SH3TC1: variants seen among roughly 807,000 people sequenced by gnomAD.
The protein encoded by SH3TC1 is SH3 domain and tetratricopeptide repeat-containing protein 1.
A neutral mutation model predicts 117.3 loss-of-function variants in SH3TC1; 135 were observed. The ratio of observed to expected loss-of-function variants is 1.15; its 90% confidence interval spans 1.00 to 1.33. SH3TC1 has a LOEUF of 1.33. Ranked by LOEUF, SH3TC1 falls within the 40% of genes most tolerant of loss-of-function variation. SH3TC1 has a pLI of 0.00. For missense variants in SH3TC1, 2,092 were observed against 1,794.3 expected (o/e 1.17, Z -3.00); for synonymous variants, 898 against 816.9 (o/e 1.10, Z -1.69).
chr4:8,228,470 C>G lies in SH3TC1; in HGVS notation c.2776C>G (p.Leu926Val), dbSNP rs1180247716. Residue 926 changes from leucine to valine, a missense_variant, in exon 12 of 18, where the codon CTC (leucine) becomes GTC (valine). By Grantham distance (32) the Leu-to-Val change is conservative. Transcript: ENST00000245105. ...TGCCAGCAGGCTGGCCCAGCACTACCTCCTGGAGGCCGTGCGGCTGTTCTC... is the reference window on the plus strand; with the variant it reads ...TGCCAGCAGGCTGGCCCAGCACTACGTCCTGGAGGCCGTGCGGCTGTTCTC... Reference protein sequence around the residue: ...AGASRLAQHYLLEAVRLFSRL... With the variant: ...AGASRLAQHYVLEAVRLFSRL... 2 of 1,608,902 alleles carry G rather than the reference C, an allele frequency of 1.2e-6. No individual in the cohort carries two copies. Among genetic ancestry groups the G allele is most frequent in the Non-Finnish European group, 1.7e-6 (2 of 1,178,168 alleles).
rs774460630 is a variant in SH3TC1 at position 8,205,609 on chromosome 4, T to C, written c.172+243T>C. 4 of 771,848 alleles carry C rather than the reference T, an allele frequency of 5.2e-6. No homozygotes were observed. The highest frequency in any genetic ancestry group is 9.4e-6 in the Non-Finnish European group (4 of 423,858). The allele number at this position is 771,848 out of a possible 1,614,324, so 47.8% of individuals were successfully genotyped here. On this transcript the variant is annotated intron_variant, in intron 2 of 17. Coordinates refer to ENST00000245105, the MANE Select transcript of SH3TC1 (RefSeq NM_018986.5). The surrounding 1 kb of genome is among the most constrained non-coding windows in gnomAD (Gnocchi z 5.4). ...TGTTTTTCCAGGGACGCGTCAGTGA[T>C]AACAAAACTGGCAAAGAACGAGGCA...
rs2152979196 is a variant in SH3TC1, at chr4:8,205,567, G to A, written c.172+201G>A. The A allele has an allele frequency of 3.6e-6, 3 of 824,140 alleles. 1 individual carries two copies. In the South Asian group the frequency reaches 4.0e-5, roughly 11 times the overall value. The allele number at this position is 824,140 out of a possible 1,614,324, so 51.1% of individuals were successfully genotyped here. A position where few individuals can be genotyped will look rare whatever the true frequency, so the allele number is the denominator to read the frequency against. On this transcript the variant is annotated intron_variant, in intron 2 of 17. Coordinates refer to ENST00000245105, the MANE Select transcript of SH3TC1 (RefSeq NM_018986.5). The surrounding 1 kb of genome is among the most constrained non-coding windows in gnomAD (Gnocchi z 5.4). ...ACTGTGCCCGCTGAGTCACTTGAGAGGCCAGGGCCCAGCTCGTGTTTTTCC... is the reference window on the plus strand; with the variant it reads ...ACTGTGCCCGCTGAGTCACTTGAGAAGCCAGGGCCCAGCTCGTGTTTTTCC...
At position 8,232,075 on chromosome 4, in the gene SH3TC1, C is replaced by A; in HGVS notation, c.3050C>A (p.Ala1017Asp). The A allele has an allele frequency of 6.2e-7, 1 of 1,613,490 alleles. No individual in the cohort carries two copies. The highest frequency in any genetic ancestry group is 8.5e-7 in the Non-Finnish European group (1 of 1,180,006). The change falls in exon 13 of 18, where the codon GCC (alanine) becomes GAC (aspartate). Residue 1017 changes from alanine (A) to aspartate (D), a missense_variant. By Grantham distance (126) the Ala-to-Asp change is moderately radical. Transcript: ENST00000245105. Reference sequence around the variant, plus strand: ...TACCATGAGCTCCAGCTCTCCCTGGCCTGCAAGGTGGCCGACAAGGTGCTG... The same window carrying A: ...TACCATGAGCTCCAGCTCTCCCTGGACTGCAAGGTGGCCGACAAGGTGCTG... The part of the protein sequence containing the change: ...VIYHELQLSL[A>D]CKVADKVLEG...
At chr4:8,236,699 A>T in intron 16 of SH3TC1, 1 of 394,494 alleles carries the variant, frequency 2.5e-6, no homozygotes, top group Non-Finnish European at 4.5e-6. Context: ...TCTGCCTTCC[A>T]GACATGCCAG....
At position 8,235,381 on chromosome 4, in the gene SH3TC1, C is replaced by T. The variant is rs370331531; in HGVS notation, c.3283-52C>T. The T allele has an allele frequency of 2.9e-4, 404 of 1,415,376 alleles. 1 individual carries two copies. The highest frequency in any genetic ancestry group is 3.6e-4 in the Non-Finnish European group (382 of 1,075,272). The allele number at this position is 1,415,376 out of a possible 1,614,324, so 87.7% of individuals were successfully genotyped here. A position where few individuals can be genotyped will look rare whatever the true frequency, so the allele number is the denominator to read the frequency against. On this transcript the variant is annotated intron_variant, in intron 14 of 17. Coordinates refer to ENST00000245105, the MANE Select transcript of SH3TC1 (RefSeq NM_018986.5). The stretch of plus-strand genomic sequence containing the variant: ...GGCGGGGGAGTCCGACCTGGGTGGG[C>T]GTGGCCACCTCACCAGGTGTGGGTC...
intron 5 of SH3TC1, among the ~76,000 whole-genome samples, chr4:8,215,406 G>A (rs2152985166): frequency 6.6e-6 from 1 of 152,300 alleles, no homozygotes; most frequent in South Asian, 2.1e-4. Flanking sequence ...CAGGGCTGAG[G>A]CTCATCCCAC....
At position 8,183,381 on chromosome 4, in the gene SH3TC1, G is replaced by T. The variant is rs983303637; in HGVS notation, c.-57+1171G>T. Reference sequence around the variant, plus strand: ...GCTGTGGGAACAATGACCAGAAACCGGCCCTGCCCCACGCATCTCTGTGAT... The same window carrying T: ...GCTGTGGGAACAATGACCAGAAACCTGCCCTGCCCCACGCATCTCTGTGAT... On this transcript the variant is annotated intron_variant, in intron 1 of 16. Coordinates refer to the SH3TC1 transcript ENST00000508641. This position sits in a 1 kb window ranked among gnomAD's most constrained non-coding sequence, Gnocchi z 5.4. Among the ~76,000 whole-genome samples, 16 of 152,142 alleles carry T rather than the reference G, an allele frequency of 1.1e-4. No individual in the cohort carries two copies. Among genetic ancestry groups the T allele is most frequent in the African/African-American group, 3.9e-4 (16 of 41,438 alleles).
chr4:8,240,119 C>T (rs930135492), intron 17 of SH3TC1, among the ~76,000 whole-genome samples: 5 of 151,968 alleles, frequency 3.3e-5, no homozygotes, highest in African/African-American at 4.8e-5. Context: ...ATGGGAGGGT[C>T]AAGGAGGAGG....
At chr4:8,236,655 C>T (rs568298601) in intron 16 of SH3TC1, 1 of 471,254 alleles carries the variant, frequency 2.1e-6, no homozygotes, top group Non-Finnish European at 3.6e-6. Flanking sequence ...GTGCCTCTTC[C>T]CCCTGCTGAC....
At chr4:8,184,121 T>C (rs764989771) in intron 1 of SH3TC1, among the ~76,000 whole-genome samples, 10 of 152,228 alleles carry the variant, frequency 6.6e-5, no homozygotes, top group Non-Finnish European at 1.3e-4. Context: ...ACCATGTATA[T>C]ATGCATGTCT....
rs527584641 is a variant in SH3TC1, at chr4:8,225,988, C to A, written c.1285+772C>A. 2.6e-5 allele frequency among the ~76,000 whole-genome samples: 4 copies of A among 151,780 alleles called. No homozygotes were observed. The East Asian group carries it at 5.8e-4, about 22-fold the overall frequency. ...GCTGGGAGGGGCTGTTTGCCTCTGCCGGGCAGGGAGATTTCTTAGCTAATC... is the reference window on the plus strand; with the variant it reads ...GCTGGGAGGGGCTGTTTGCCTCTGCAGGGCAGGGAGATTTCTTAGCTAATC... On this transcript the variant is annotated intron_variant, in intron 11 of 17. Coordinates refer to ENST00000245105, the MANE Select transcript of SH3TC1 (RefSeq NM_018986.5). The surrounding 1 kb of genome is among the most constrained non-coding windows in gnomAD (Gnocchi z 5.5).
At chr4:8,238,276 G>C (rs1189399568) in intron 17 of SH3TC1, among the ~76,000 whole-genome samples, 1 of 152,182 alleles carries the variant, frequency 6.6e-6, no homozygotes, top group African/African-American at 2.4e-5. Context: ...AGTGGGGCGG[G>C]GCCCCAGACA....
intron 16 of SH3TC1, chr4:8,237,252 G>A (rs73079782): frequency 0.02 from 9,665 of 474,510 alleles, 173 homozygotes; most frequent in African/African-American, 0.063. Flanking sequence ...GCACAGAGCT[G>A]GGCCATCCAA....
chr4:8,231,891 C>A, intron 12 of SH3TC1, 85 bp from the exon 13 acceptor site: 1 of 1,495,944 alleles, frequency 6.7e-7, no homozygotes, highest in South Asian at 1.2e-5. Context: ...GTGAAAGAGG[C>A]AAGCACACCG....
At chr4:8,221,402 C>T (rs538343575) in intron 9 of SH3TC1, among the ~76,000 whole-genome samples, 39 of 152,156 alleles carry the variant, frequency 2.6e-4, no homozygotes, top group African/African-American at 7.7e-4. Flanking sequence ...ATTCCAGACC[C>T]GGGGTTTTCA....
Position 8,192,527 on chromosome 4 carries a change from T to C in SH3TC1, c.-57+10317T>C, listed in dbSNP as rs1013380626. Reference sequence around the variant, plus strand: ...TTTTATTTTTGAGATGGAGTCTCACTCTGTTGCCCAGGCTGGAGTGCCGTG... The same window carrying C: ...TTTTATTTTTGAGATGGAGTCTCACCCTGTTGCCCAGGCTGGAGTGCCGTG... On this transcript the variant is annotated intron_variant, in intron 1 of 16. Transcript: ENST00000508641. The surrounding 1 kb of genome is among the most constrained non-coding windows in gnomAD (Gnocchi z 4.1). Among the ~76,000 whole-genome samples, 1 of 150,336 alleles carries C rather than the reference T, an allele frequency of 6.7e-6. No homozygotes were observed. The highest frequency in any genetic ancestry group is 2.5e-5 in the African/African-American group (1 of 40,656).
rs1721951964 is a variant in SH3TC1, at chr4:8,237,686, C to T, written c.3753+16C>T. 2 of 1,576,354 alleles carry T rather than the reference C, an allele frequency of 1.3e-6. No individual in the cohort carries two copies. The highest frequency in any genetic ancestry group is 1.7e-6 in the Non-Finnish European group (2 of 1,156,774). ...CGACCTGAAGGTGGGTGGGGAGGGG[C>T]TGGGCTCAGGGTGTTCCCGGCCCCC... On this transcript the variant is annotated intron_variant, in intron 17 of 17. Transcript: ENST00000245105.
At chr4:8,213,899 AAAAAG>A (rs1226645369) in intron 4 of SH3TC1, among the ~76,000 whole-genome samples, 3 of 151,990 alleles carry the variant, frequency 2.0e-5, no homozygotes, top group Non-Finnish European at 4.4e-5. Flanking sequence ...AAAAAAAAAA[AAAAAG>A]AAAGAAACGG....
At chr4:8,182,785 C>T (rs1470140502) in intron 1 of SH3TC1, among the ~76,000 whole-genome samples, 3 of 152,210 alleles carry the variant, frequency 2.0e-5, no homozygotes, top group African/African-American at 7.2e-5. Context: ...TTCCCCTGCA[C>T]CCTGTGTCTT....
Sources: gnomAD v4.1 joint callset for allele counts (sites outside exome capture counted in the v4.1 genomes callset) on GRCh38, gnomAD v4.1.1 for gene constraint, Gnocchi (gnomAD v3.1) non-coding constraint, MANE v1.5 for transcripts, NCBI Gene and HGNC (gene_info 2026-07-23, HGNC 2026-07-21) for gene names.